Variants in CDK14 observed in about 807,000 individuals in gnomAD.
The protein encoded by CDK14 is cyclin-dependent kinase 14.
In CDK14, 34 loss-of-function variants were observed where a neutral mutation model predicts 60.7. The observed-to-expected ratio is 0.56, with a 90% CI of 0.43 to 0.75. CDK14 has a LOEUF of 0.75. Among genes scored for constraint, CDK14 ranks in the 30% least tolerant of loss-of-function variants. The pLI is 0.00. For missense variants in CDK14, 482 were observed against 564.1 expected (o/e 0.85, Z 1.47); for synonymous variants, 197 against 203.7 (o/e 0.97, Z 0.28).
At chr7:91,190,730 T>C (rs1469226030) in intron 14 of CDK14, among the ~76,000 whole-genome samples, 1 of 152,130 alleles carries the variant, frequency 6.6e-6, no homozygotes, top group Non-Finnish European at 1.5e-5. Flanking sequence ...CCTAAAGTGA[T>C]CCACCCACCT....
At chr7:91,197,990 T>G (rs1283177035) in intron 14 of CDK14, among the ~76,000 whole-genome samples, 1 of 152,230 alleles carries the variant, frequency 6.6e-6, no homozygotes, top group Non-Finnish European at 1.5e-5. Context: ...CTTCGTGTTG[T>G]GAAGCAGGTA....
chr7:91,177,119 G>C (rs1320614989), intron 14 of CDK14, among the ~76,000 whole-genome samples: 14 of 151,168 alleles, frequency 9.3e-5, no homozygotes, highest in Non-Finnish European at 1.5e-5. Context: ...CCATGATCAA[G>C]TGGGCTTCAT....
chr7:91,133,198 A>C (rs1158710718), intron 14 of CDK14, among the ~76,000 whole-genome samples: 2 of 152,128 alleles, frequency 1.3e-5, no homozygotes, highest in Non-Finnish European at 2.9e-5. Context: ...ATTGGTGTGC[A>C]AAAGTGTTTT....
intron 5 of CDK14, among the ~76,000 whole-genome samples, chr7:90,847,767 T>G (rs1440768452): frequency 6.6e-6 from 1 of 152,230 alleles, no homozygotes; most frequent in Non-Finnish European, 1.5e-5. Context: ...ATTTTACTGT[T>G]TATGAAGAAC....
intron 2 of CDK14, among the ~76,000 whole-genome samples, chr7:90,638,901 C>T (rs1448724650): frequency 6.6e-6 from 1 of 151,764 alleles, no homozygotes; most frequent in Admixed American, 6.6e-5. Context: ...TCACTGGTAC[C>T]CTTTCTTCCA....
chr7:90,945,974 C>A (rs1313519192), intron 8 of CDK14, among the ~76,000 whole-genome samples: 2 of 151,936 alleles, frequency 1.3e-5, no homozygotes, highest in Non-Finnish European at 2.9e-5. Flanking sequence ...AGCTAGGAGA[C>A]CAGTTAATAG....
At chr7:90,609,873 T>C (rs1799499603) in intron 2 of CDK14, among the ~76,000 whole-genome samples, 3 of 152,246 alleles carry the variant, frequency 2.0e-5, no homozygotes, top group Non-Finnish European at 4.4e-5. Flanking sequence ...TTAAGGGCTG[T>C]CTCAGTGTCC....
At chr7:90,667,780 A>G (rs891915553) in intron 2 of CDK14, among the ~76,000 whole-genome samples, 11 of 152,082 alleles carry the variant, frequency 7.2e-5, no homozygotes, top group African/African-American at 2.2e-4. Context: ...CGTGTTAGCC[A>G]TGATGGTCTC....
At chr7:91,087,291 C>T (rs753236634) in intron 12 of CDK14, among the ~76,000 whole-genome samples, 5 of 152,086 alleles carry the variant, frequency 3.3e-5, no homozygotes, top group African/African-American at 4.8e-5. Flanking sequence ...ATGTTGTGTA[C>T]ATAGTGGTCT....
At chr7:90,969,434 A>G (rs951661680) in intron 9 of CDK14, among the ~76,000 whole-genome samples, 7 of 152,202 alleles carry the variant, frequency 4.6e-5, no homozygotes, top group Non-Finnish European at 1.0e-4. Context: ...AGTTTCTTGA[A>G]AAAGATTGCT....
chr7:90,711,537 T>C (rs1471184217), intron 2 of CDK14, among the ~76,000 whole-genome samples: 2 of 152,106 alleles, frequency 1.3e-5, no homozygotes, highest in Admixed American at 6.6e-5. Flanking sequence ...AAAGTAATTT[T>C]TAAAAAGTAG....
chr7:91,034,747 C>T (rs1253426541), intron 10 of CDK14, among the ~76,000 whole-genome samples: 2 of 152,112 alleles, frequency 1.3e-5, no homozygotes, highest in East Asian at 1.9e-4. Context: ...AAACACAACC[C>T]AGAATCATAG....
At chr7:91,132,898 A>G (rs981013166) in intron 14 of CDK14, among the ~76,000 whole-genome samples, 2 of 152,184 alleles carry the variant, frequency 1.3e-5, no homozygotes, top group African/African-American at 4.8e-5. Context: ...TTGATTATAC[A>G]TTTATCAGCA....
chr7:90,628,072 G>A (rs1003130724), intron 2 of CDK14, among the ~76,000 whole-genome samples: 1 of 151,860 alleles, frequency 6.6e-6, no homozygotes, highest in Non-Finnish European at 1.5e-5. Flanking sequence ...CTCCCACTTC[G>A]GCCTCCCAAG....
chr7:91,207,483 T>A lies in CDK14; in HGVS notation c.*347T>A, dbSNP rs1391663259. 1 of 152,676 alleles carries A rather than the reference T, an allele frequency of 6.5e-6. No individual in the cohort carries two copies. The highest frequency in any genetic ancestry group is 1.5e-5 in the Non-Finnish European group (1 of 68,046). The allele number at this position is 152,676 out of a possible 1,614,324, so 9.5% of individuals were successfully genotyped here. Reference sequence around the variant, plus strand: ...GCGTCTCTGTAAAGGTTTTTATGCTTTCACCAGCCATGTCTTAAATACATT... The same window carrying A: ...GCGTCTCTGTAAAGGTTTTTATGCTATCACCAGCCATGTCTTAAATACATT... On this transcript the variant is annotated 3_prime_UTR_variant, in exon 15 of 15. Transcript: ENST00000380050.
At chr7:90,772,258 G>A (rs1292185925) in intron 4 of CDK14, among the ~76,000 whole-genome samples, 2 of 152,218 alleles carry the variant, frequency 1.3e-5, no homozygotes, top group Non-Finnish European at 2.9e-5. Context: ...TTCTCACTCA[G>A]TCTTCTGTTG....
chr7:91,020,314 G>A (rs1426205288), intron 10 of CDK14, among the ~76,000 whole-genome samples: 2 of 152,192 alleles, frequency 1.3e-5, no homozygotes, highest in Non-Finnish European at 2.9e-5. Flanking sequence ...ACTTTGAGCA[G>A]TCTCCAAGCC....
intron 2 of CDK14, among the ~76,000 whole-genome samples, chr7:90,637,792 G>A (rs1295430516): frequency 7.5e-6 from 1 of 132,512 alleles, no homozygotes; most frequent in Non-Finnish European, 1.6e-5. Flanking sequence ...AGGTCCTAAG[G>A]ACTTGCTTTA....
chr7:90,644,905 C>T (rs1220325309), intron 2 of CDK14, among the ~76,000 whole-genome samples: 1 of 152,120 alleles, frequency 6.6e-6, no homozygotes, highest in Non-Finnish European at 1.5e-5. Flanking sequence ...GAAATTCAGT[C>T]GAATTTAGCT....
Sources: gnomAD v4.1 joint callset for allele counts (sites outside exome capture counted in the v4.1 genomes callset) on GRCh38, gnomAD v4.1.1 for gene constraint, MANE v1.5 for transcripts, NCBI Gene and HGNC (gene_info 2026-07-23, HGNC 2026-07-21) for gene names.